Variants in ACTR8 observed in about 807,000 individuals in gnomAD.
The protein encoded by ACTR8 is actin-related protein 8.
In ACTR8, 70 loss-of-function variants were observed where a neutral mutation model predicts 84.3. The observed-to-expected ratio is 0.83, with a 90% CI of 0.68 to 1.01. The LOEUF (loss-of-function observed/expected upper bound fraction) is 1.01, where lower values mean the gene tolerates loss of function less well. Ranked by LOEUF, ACTR8 falls within the 50% of genes least tolerant of loss-of-function variation. The pLI, the probability that ACTR8 is intolerant of heterozygous loss-of-function variation, is 0.00. For missense variants in ACTR8, 672 were observed against 775.4 expected, an observed-to-expected ratio of 0.87 and a Z score of 1.58; for synonymous variants, 268 against 275.2, an observed-to-expected ratio of 0.97 and a Z score of 0.26.
At chr3:53,881,096 G>C (rs567037642) in intron 1 of ACTR8, among the ~76,000 whole-genome samples, 1 of 152,302 alleles carries the variant, frequency 6.6e-6, no homozygotes. Flanking sequence ...GAGAAACCAG[G>C]CCTGTGCAAC....
At chr3:53,875,148 C>T (rs1699947019) in intron 7 of ACTR8, among the ~76,000 whole-genome samples, 1 of 152,330 alleles carries the variant, frequency 6.6e-6, no homozygotes, top group Middle Eastern at 3.4e-3. Flanking sequence ...ATTTTCTCCA[C>T]ACTTTGAGAA....
At chr3:53,865,139 A>G (rs1053313560), downstream of ACTR8, 27 of 1,614,062 alleles carry the variant, frequency 1.7e-5, no homozygotes, top group Non-Finnish European at 2.2e-5. Context: ...GTGGTGGTCT[A>G]CTTTAGAGAG....
chr3:53,870,374 C>T lies in ACTR8; in HGVS notation c.1568-229G>A, dbSNP rs189427020. ...TAGGATCAAAATCTTTAAAGGAGGC[C>T]GAGCATGGTGGCTCACGCCTGTAAT... is the stretch of plus-strand genomic sequence containing the variant. On this transcript the variant is annotated intron_variant, in intron 11 of 12. Transcript: ENST00000335754. The surrounding 1 kb of genome is among the most constrained non-coding windows in gnomAD (Gnocchi z 4.1). 131 of 536,514 alleles carry T rather than the reference C, an allele frequency of 2.4e-4. 1 individual carries two copies. The East Asian group carries it at 3.4e-3, about 14-fold the overall frequency. 33.2% of individuals were successfully genotyped at this position (536,514 alleles called of 1,614,324 possible).
At chr3:53,860,487 C>T in the ACTR8 span, 1 of 312,900 alleles carries the variant, frequency 3.2e-6, no homozygotes, top group South Asian at 1.1e-4. Context: ...TCTACCAGTA[C>T]TGAAATGGGC....
chr3:53,870,633 GGAGT>G lies in ACTR8; in HGVS notation c.1568-492_1568-489del, dbSNP rs1208391876. 6.7e-6 allele frequency among the ~76,000 whole-genome samples: 1 copy of G among 150,166 alleles called. No individual in the cohort carries two copies. The highest frequency in any genetic ancestry group is 1.5e-5 in the Non-Finnish European group (1 of 67,154). On this transcript the variant is annotated intron_variant, in intron 11 of 12. Coordinates refer to ENST00000335754, the MANE Select transcript of ACTR8 (RefSeq NM_022899.5). The surrounding 1 kb of genome is among the most constrained non-coding windows in gnomAD (Gnocchi z 4.1). ...GCCATTGCACTCTAGCCTGGGCAAT[GGAGT>G]GAGACTCTGAAAAATAAATAAATAA...
At chr3:53,864,450 G>T (rs1423970440), downstream of ACTR8, among the ~76,000 whole-genome samples, 2 of 152,124 alleles carry the variant, frequency 1.3e-5, no homozygotes, top group African/African-American at 4.8e-5. Flanking sequence ...CAGGAGAATG[G>T]CGTGAACCCA....
At chr3:53,865,178 TCA>T (rs774234346), downstream of ACTR8, 1 of 1,614,160 alleles carries the variant, frequency 6.2e-7, no homozygotes, top group South Asian at 1.1e-5. Flanking sequence ...TACAATGCTC[TCA>T]GTGTCTGCCC....
Position 53,868,521 on chromosome 3 carries a change from C to CA in ACTR8, c.*197dup. 10 of 723,958 alleles carry CA rather than the reference C, an allele frequency of 1.4e-5. No individual in the cohort carries two copies. The highest frequency in any genetic ancestry group is 2.2e-5 in the Non-Finnish European group (10 of 461,992). 44.8% of individuals were successfully genotyped at this position (723,958 alleles called of 1,614,324 possible). A position where few individuals can be genotyped will look rare whatever the true frequency, so the allele number is the denominator to read the frequency against. On this transcript the variant is annotated 3_prime_UTR_variant, in exon 13 of 13. Transcript: ENST00000335754. ...TGAAGAGAAAGTTCCTATTTATTCT[C>CA]AAATGCCCTGACTAAACTGCTCAAA...
At chr3:53,859,059 G>A in the ACTR8 span, 1 of 410,542 alleles carries the variant, frequency 2.4e-6, no homozygotes, top group Non-Finnish European at 4.4e-6. Context: ...TACACAGAAG[G>A]GAAAAAAATA....
chr3:53,876,209 T>C, intron 6 of ACTR8, 129 bp from the exon 7 acceptor site: 1 of 1,178,822 alleles, frequency 8.5e-7, no homozygotes, highest in African/African-American at 1.6e-5. Context: ...ACTGATCCTT[T>C]CAGAATAAGC....
intron 8 of ACTR8, 120 bp from the exon 9 acceptor site, chr3:53,873,247 G>T: frequency 1.6e-6 from 1 of 612,916 alleles, no homozygotes; most frequent in Non-Finnish European, 2.9e-6. Context: ...CTACAGCTTT[G>T]TACCACTCAC....
At chr3:53,877,498 A>T in intron 4 of ACTR8, 111 bp from the exon 5 acceptor site, 1 of 1,345,514 alleles carries the variant, frequency 7.4e-7, no homozygotes, top group Admixed American at 2.5e-5. Flanking sequence ...AAATGTTGAG[A>T]GTGAAGTAGG....
downstream of ACTR8, chr3:53,864,682 G>T: frequency 8.1e-7 from 1 of 1,239,834 alleles, no homozygotes; most frequent in South Asian, 1.4e-5. Context: ...GTCAGGGATG[G>T]TTTACAGAGT....
At position 53,874,270 on chromosome 3, in the gene ACTR8, T is replaced by C. The variant is rs759886153; in HGVS notation, c.1006A>G (p.Asn336Asp). The C allele has an allele frequency of 1.9e-6, 3 of 1,614,226 alleles. No individual in the cohort carries two copies. The highest frequency in any genetic ancestry group is 2.5e-6 in the Non-Finnish European group (3 of 1,180,032). Residue 336 changes from asparagine (N) to aspartate (D), a missense_variant, in exon 8 of 13, where the codon AAT (asparagine) becomes GAT (aspartate). Asn to Asp is a conservative substitution (Grantham distance 23, BLOSUM62 1). Transcript: ENST00000335754. ...GFPYRECQLT[N>D]KMDCLLLQHL... ...TGCAGAAGAAGACAATCCATTTTAT[T>C]TGTTAACTGGCATTCTCTGTAAGGG...
At chr3:53,862,506 A>G (rs146589871), downstream of ACTR8, among the ~76,000 whole-genome samples, 389 of 152,340 alleles carry the variant, frequency 2.6e-3, 4 homozygotes, top group African/African-American at 9.0e-3. Context: ...AACAGAGCCA[A>G]TCAAGGAAAG....
chr3:53,881,815 C>A, intron 1 of ACTR8, 164 bp downstream of exon 1: 1 of 1,200,378 alleles, frequency 8.3e-7, no homozygotes, highest in South Asian at 1.5e-5. Context: ...CCCTCGGCGT[C>A]CCGGCGCGCC....
At chr3:53,864,976 G>A (rs749453165), downstream of ACTR8, 87 of 1,614,164 alleles carry the variant, frequency 5.4e-5, 1 homozygote, top group South Asian at 5.1e-4. Context: ...AGACAAAGTC[G>A]TCTTCCTTCT....
chr3:53,868,871 G>A lies in ACTR8; in HGVS notation c.1732-9C>T, dbSNP rs1699838158. The A allele has an allele frequency of 6.2e-7, 1 of 1,613,154 alleles. No individual in the cohort carries two copies. The highest frequency in any genetic ancestry group is 8.5e-7 in the Non-Finnish European group (1 of 1,179,624). ...AGCCGGGGGTCCATGTCCTACAGAAGGGATGAAGGCATTTCAGCCTAATCA... is the reference window on the plus strand; with the variant it reads ...AGCCGGGGGTCCATGTCCTACAGAAAGGATGAAGGCATTTCAGCCTAATCA... On this transcript the variant is annotated splice_polypyrimidine_tract_variant and intron_variant, in intron 12 of 12. Transcript: ENST00000335754.
Position 53,877,513 on chromosome 3 carries a change from G to GA in ACTR8, c.511-127_511-126insT. ...AAATGTTGAGAGTGAAGTAGGAGTCGGTGTGACTATCTGGTACTCAAAGCA... is the reference window on the plus strand; with the variant it reads ...AAATGTTGAGAGTGAAGTAGGAGTCGAGTGTGACTATCTGGTACTCAAAGCA... On this transcript the variant is annotated intron_variant, in intron 4 of 12. Transcript: ENST00000335754. 11 of 1,288,028 alleles carry GA rather than the reference G, an allele frequency of 8.5e-6. No individual in the cohort carries two copies. In the South Asian group the frequency reaches 1.6e-4, roughly 19 times the overall value. 79.8% of individuals were successfully genotyped at this position (1,288,028 alleles called of 1,614,324 possible). A position where few individuals can be genotyped will look rare whatever the true frequency, so the allele number is the denominator to read the frequency against.
Sources: allele counts gnomAD v4.1 joint callset (sites outside exome capture counted in the v4.1 genomes callset), GRCh38; gene constraint gnomAD v4.1.1; non-coding constraint Gnocchi (gnomAD v3.1); transcripts MANE v1.5; gene names NCBI Gene and HGNC (gene_info 2026-07-23, HGNC 2026-07-21).